Variants in PLA2G5 observed in about 807,000 individuals in gnomAD.
The protein encoded by PLA2G5 is Ca2+-dependent phospholipase A2.
A neutral mutation model predicts 15.9 loss-of-function variants in PLA2G5; 12 were observed. The observed-to-expected ratio is 0.76, with a 90% CI of 0.48 to 1.23. The LOEUF (loss-of-function observed/expected upper bound fraction) is 1.23. PLA2G5 is among the 50% of genes most tolerant of loss of function. PLA2G5 has a pLI of 0.00. For synonymous variants in PLA2G5, 71 were observed against 71.4 expected, an observed-to-expected ratio of 0.99 and a Z score of 0.03; for missense variants, 169 against 177.1, an observed-to-expected ratio of 0.95 and a Z score of 0.26.
In PLA2G5 at chr1:20,070,386, C is replaced by G; in HGVS notation, c.-90C>G. 1 of 985,414 alleles carries G rather than the reference C, an allele frequency of 1.0e-6. No homozygotes were observed. Among genetic ancestry groups the G allele is most frequent in the Non-Finnish European group, 1.2e-6 (1 of 829,910 alleles). 61.0% of individuals were successfully genotyped at this position (985,414 alleles called of 1,614,324 possible). A position where few individuals can be genotyped will look rare whatever the true frequency, so the allele number is the denominator to read the frequency against. On this transcript the variant is annotated 5_prime_UTR_variant, in exon 1 of 5. Coordinates refer to ENST00000375108, the MANE Select transcript of PLA2G5 (RefSeq NM_000929.3). ...GACTGGAGACGGGGAGCCCGCGAGA[C>G]CCGGGTCTCCAGGGTCTGCCCAAGG...
chr1:20,054,644 C>A (rs1421184368), intron 1 of PLA2G5: 1 of 151,916 alleles, frequency 6.6e-6, no homozygotes, highest in Non-Finnish European at 1.5e-5. Flanking sequence ...GCCCCTCTTT[C>A]ATTTTTACAG....
At chr1:20,069,828 T>C (rs919419144), upstream of PLA2G5, among the ~76,000 whole-genome samples, 3 of 152,090 alleles carry the variant, frequency 2.0e-5, no homozygotes, top group Admixed American at 6.6e-5. Flanking sequence ...ACAAATTGGA[T>C]ATAAAAACCA....
At position 20,091,241 on chromosome 1, in the gene PLA2G5, A is replaced by C. The variant is rs2016550798; in HGVS notation, c.*549A>C. 6.6e-6 allele frequency: 1 copy of C among 152,652 alleles called. No homozygotes were observed. The highest frequency in any genetic ancestry group is 2.1e-4 in the South Asian group (1 of 4,850). The allele number at this position is 152,652 out of a possible 1,614,324, so 9.5% of individuals were successfully genotyped here. ...CTCTGCCACTGGGGCAATAAACCCA[A>C]AGATGTCTACATTATCTCCGAAACA... On this transcript the variant is annotated 3_prime_UTR_variant, in exon 5 of 5. Coordinates refer to ENST00000375108, the MANE Select transcript of PLA2G5 (RefSeq NM_000929.3).
chr1:20,051,085 G>T (rs1409923830), intron 1 of PLA2G5, among the ~76,000 whole-genome samples: 2 of 152,134 alleles, frequency 1.3e-5, no homozygotes, highest in Admixed American at 1.3e-4. Flanking sequence ...ATGTTAATTA[G>T]TTATGATCAT....
intron 1 of PLA2G5, among the ~76,000 whole-genome samples, chr1:20,052,195 AT>A (rs1459855293): frequency 1.2e-3 from 167 of 142,416 alleles, no homozygotes; most frequent in African/African-American, 3.9e-3. Flanking sequence ...AAAAAAAAAA[AT>A]GGGAAACTGG....
chr1:20,062,737 G>A (rs1400089063), intron 2 of PLA2G5, among the ~76,000 whole-genome samples: 17 of 152,204 alleles, frequency 1.1e-4, no homozygotes, highest in Admixed American at 9.8e-4. Flanking sequence ...CCTGTGGAAT[G>A]GAAGGGGCGC....
At chr1:20,066,821 A>G (rs2015055496), upstream of PLA2G5, among the ~76,000 whole-genome samples, 1 of 152,156 alleles carries the variant, frequency 6.6e-6, no homozygotes, top group African/African-American at 2.4e-5. Flanking sequence ...AGCCAGAGCA[A>G]CATAGCAAGA....
At chr1:20,029,319 G>C (rs1054555618) in intron 1 of PLA2G5, among the ~76,000 whole-genome samples, 1 of 152,012 alleles carries the variant, frequency 6.6e-6, no homozygotes, top group Non-Finnish European at 1.5e-5. Context: ...TCCTCTCAAC[G>C]TCCAGCCACC....
At position 20,090,602 on chromosome 1, in the gene PLA2G5, C is replaced by G. The variant is rs759666214; in HGVS notation, c.327C>G (p.Ala109=). Residue 109 remains alanine (A), a synonymous_variant, in exon 5 of 5, where the codon GCC becomes GCG. Coordinates refer to ENST00000375108, the MANE Select transcript of PLA2G5 (RefSeq NM_000929.3). Reference sequence around the variant, plus strand: ...CCTTCTGCCATGTGAACCTCTGTGCCTGTGACCGGAAGCTCGTCTACTGCC... The same window carrying G: ...CCTTCTGCCATGTGAACCTCTGTGCGTGTGACCGGAAGCTCGTCTACTGCC... ...PGPFCHVNLC[A]CDRKLVYCLK... The G allele has an allele frequency of 3.1e-6, 5 of 1,614,062 alleles. No homozygotes were observed. The East Asian group carries it at 1.1e-4, about 36-fold the overall frequency.
chr1:20,068,903 T>C, upstream of PLA2G5: 2 of 1,283,114 alleles, frequency 1.6e-6, no homozygotes, highest in South Asian at 2.5e-5. Context: ...GGGAACACAC[T>C]CCCCCCTACG....
intron 1 of PLA2G5, among the ~76,000 whole-genome samples, chr1:20,058,897 G>C (rs1441230840): frequency 6.6e-6 from 1 of 152,120 alleles, no homozygotes; most frequent in Non-Finnish European, 1.5e-5. Context: ...ACATGGGCCA[G>C]GTGCAGTGGC....
chr1:20,073,422 G>GTATAAGC (rs2015489549), intron 1 of PLA2G5, among the ~76,000 whole-genome samples: 1 of 152,202 alleles, frequency 6.6e-6, no homozygotes, highest in Non-Finnish European at 1.5e-5. Flanking sequence ...TAAGCTGCAT[G>GTATAAGC]TGCATGCTAG....
At position 20,089,910 on chromosome 1, in the gene PLA2G5, T is replaced by C; in HGVS notation, c.292+15T>C. ...GGTCACCTGCGGTAAGGCTGGGGCT[T>C]CCCGTTCGGGCCATTGGAAGAGCAC... On this transcript the variant is annotated intron_variant, in intron 4 of 4. Coordinates refer to ENST00000375108, the MANE Select transcript of PLA2G5 (RefSeq NM_000929.3). The C allele has an allele frequency of 6.3e-7, 1 of 1,587,966 alleles. No homozygotes were observed. Among genetic ancestry groups the C allele is most frequent in the Non-Finnish European group, 8.6e-7 (1 of 1,158,942 alleles).
intron 1 of PLA2G5, among the ~76,000 whole-genome samples, chr1:20,047,752 GTGTGTA>G (rs1318300146): frequency 1.4e-5 from 2 of 144,442 alleles, no homozygotes; most frequent in Non-Finnish European, 3.1e-5. Context: ...GTGTGTGTGT[GTGTGTA>G]TGTGTATATA....
intron 1 of PLA2G5, among the ~76,000 whole-genome samples, chr1:20,036,516 A>G (rs537839010): frequency 8.6e-5 from 13 of 151,824 alleles, no homozygotes; most frequent in South Asian, 4.2e-4. Flanking sequence ...TATTTCTTCT[A>G]TTGCTTTCTT....
At chr1:20,031,494 C>T (rs142673010) in intron 1 of PLA2G5, among the ~76,000 whole-genome samples, 1 of 152,190 alleles carries the variant, frequency 6.6e-6, no homozygotes, top group Non-Finnish European at 1.5e-5. Flanking sequence ...GTGGTCTATC[C>T]AGGGATGTGG....
intron 1 of PLA2G5, among the ~76,000 whole-genome samples, chr1:20,057,405 G>A (rs1299154702): frequency 1.3e-5 from 2 of 151,394 alleles, no homozygotes; most frequent in African/African-American, 4.8e-5. Flanking sequence ...TTTTTGGGGG[G>A]TAATTTCTGC....
chr1:20,059,286 G>A (rs1440579775), intron 1 of PLA2G5, among the ~76,000 whole-genome samples: 1 of 152,008 alleles, frequency 6.6e-6, no homozygotes, highest in East Asian at 1.9e-4. Flanking sequence ...ATATTAGCTG[G>A]GTGTGGTGGC....
chr1:20,047,835 C>T (rs2013991796), intron 1 of PLA2G5, among the ~76,000 whole-genome samples: 1 of 151,612 alleles, frequency 6.6e-6, no homozygotes. Context: ...TTTAATTTTC[C>T]TGTAACATGC....
Sources: gnomAD v4.1 joint callset for allele counts (sites outside exome capture counted in the v4.1 genomes callset) on GRCh38, gnomAD v4.1.1 for gene constraint, MANE v1.5 for transcripts, NCBI Gene and HGNC (gene_info 2026-07-23, HGNC 2026-07-21) for gene names.